Variants in ULK4 observed in about 807,000 individuals in gnomAD.
ULK4 encodes unc-51 like kinase 4, also known as inactive serine/threonine-protein kinase ULK4.
Under a neutral mutation model 160.6 loss-of-function variants are expected in ULK4, and 133 were observed. That is an observed-to-expected ratio of 0.83 (90% confidence interval 0.72 to 0.96). ULK4 has a LOEUF of 0.96. Ranked by LOEUF, ULK4 falls within the 40% of genes least tolerant of loss-of-function variation. The pLI, the probability that ULK4 is intolerant of heterozygous loss-of-function variation, is 0.00. For synonymous variants in ULK4, 534 were observed against 539.8 expected (o/e 0.99, Z 0.15); for missense variants, 1,580 against 1,499.5 (o/e 1.05, Z -0.89).
chr3:41,273,984 C>T (rs895925381), intron 35 of ULK4, among the ~76,000 whole-genome samples: 12 of 151,990 alleles, frequency 7.9e-5, no homozygotes, highest in Non-Finnish European at 1.3e-4. Flanking sequence ...AAACCGTGGG[C>T]GAAATAAACC....
chr3:41,622,986 AAAC>A (rs2033328782), intron 30 of ULK4, among the ~76,000 whole-genome samples: 2 of 152,236 alleles, frequency 1.3e-5, no homozygotes, highest in Admixed American at 1.3e-4. Context: ...CTTTATTTAT[AAAC>A]AACAGGCAGT....
intron 32 of ULK4, among the ~76,000 whole-genome samples, chr3:41,540,195 G>A (rs1284674103): frequency 6.6e-6 from 1 of 152,040 alleles, no homozygotes; most frequent in Non-Finnish European, 1.5e-5. Context: ...TTCTCCTAAT[G>A]CTCTCCCTCC....
intron 35 of ULK4, among the ~76,000 whole-genome samples, chr3:41,379,962 G>C (rs967409955): frequency 2.0e-5 from 3 of 152,068 alleles, no homozygotes; most frequent in Admixed American, 6.6e-5. Flanking sequence ...AAGTCTTTAG[G>C]GGCATGAACA....
chr3:41,671,158 C>T (rs2035525017), intron 29 of ULK4, among the ~76,000 whole-genome samples: 1 of 152,010 alleles, frequency 6.6e-6, no homozygotes, highest in African/African-American at 2.4e-5. Flanking sequence ...GACCATACTG[C>T]CCAAAGCAAT....
At chr3:41,379,729 T>C (rs999346784) in intron 35 of ULK4, among the ~76,000 whole-genome samples, 6 of 152,128 alleles carry the variant, frequency 3.9e-5, no homozygotes, top group Non-Finnish European at 7.4e-5. Flanking sequence ...AGCCAAAATA[T>C]TTTTTAAAAA....
rs1004710824 is a variant in ULK4, at chr3:41,572,557, G to A, written c.3121-6427C>T. Reference sequence around the variant, plus strand: ...AGGTGGATCACAAGGTCAGGAGATTGAGACCATCCTGGCTAACATGGTGAA... The same window carrying A: ...AGGTGGATCACAAGGTCAGGAGATTAAGACCATCCTGGCTAACATGGTGAA... On this transcript the variant is annotated intron_variant, in intron 31 of 36. Coordinates refer to ENST00000301831, the MANE Select transcript of ULK4 (RefSeq NM_017886.4). Among the ~76,000 whole-genome samples, 85 of 151,486 alleles carry A rather than the reference G, an allele frequency of 5.6e-4. 1 individual carries two copies. The highest frequency in any genetic ancestry group is 1.6e-4 in the Non-Finnish European group (11 of 67,914).
chr3:41,411,632 C>T (rs1240330126), intron 34 of ULK4, among the ~76,000 whole-genome samples: 1 of 151,974 alleles, frequency 6.6e-6, no homozygotes, highest in Non-Finnish European at 1.5e-5. Flanking sequence ...AGGGTTTCAC[C>T]ATGTTGGCTA....
intron 21 of ULK4, chr3:41,766,903 A>T (rs187093063): frequency 6.6e-6 from 1 of 152,376 alleles, no homozygotes; most frequent in Non-Finnish European, 1.5e-5. Flanking sequence ...TGTCACAGCC[A>T]GATTGCCCTC....
At chr3:41,595,271 C>T (rs1336633694) in intron 31 of ULK4, among the ~76,000 whole-genome samples, 1 of 152,146 alleles carries the variant, frequency 6.6e-6, no homozygotes, top group Non-Finnish European at 1.5e-5. Context: ...CCTGAAGTGA[C>T]TTGACCTCTT....
chr3:41,681,022 C>T (rs2035905155), intron 29 of ULK4, among the ~76,000 whole-genome samples: 3 of 152,168 alleles, frequency 2.0e-5, no homozygotes, highest in Non-Finnish European at 4.4e-5. Context: ...AAAACCCTTT[C>T]TCCATACTCA....
chr3:41,353,704 ACTACTACTACTACTACTACTACTACT>A (rs2080966834), intron 35 of ULK4, among the ~76,000 whole-genome samples: 2 of 50,010 alleles, frequency 4.0e-5, no homozygotes, highest in Admixed American at 1.9e-4. Context: ...TACAATTACT[ACTACTACTACTACTACTACTACTACT>A]ACTACTACTA....
rs142727197 is a variant in ULK4, at chr3:41,744,360, A to C, written c.2321+10001T>G. 4.8e-3 allele frequency among the ~76,000 whole-genome samples: 730 copies of C among 152,152 alleles called. 3 individuals are homozygous for C. Among genetic ancestry groups the C allele is most frequent in the South Asian group, 0.015 (73 of 4,828 alleles). On this transcript the variant is annotated intron_variant, in intron 22 of 36. Transcript: ENST00000301831. ...AAGTTTAAAGTAAAAAAATGAAAGCAGGTATAAAATGCAAACATTAATTTA... is the reference window on the plus strand; with the variant it reads ...AAGTTTAAAGTAAAAAAATGAAAGCCGGTATAAAATGCAAACATTAATTTA...
intron 12 of ULK4, among the ~76,000 whole-genome samples, chr3:41,903,817 C>T (rs1279388675): frequency 6.6e-6 from 1 of 151,456 alleles, no homozygotes; most frequent in East Asian, 1.9e-4. Flanking sequence ...AAATTATATT[C>T]CCTTGTTTCA....
chr3:41,249,566 G>C lies in ULK4; in HGVS notation c.3687C>G (p.Ser1229=). Residue 1229 remains serine (S), a synonymous_variant, in exon 36 of 37, where the codon TCC becomes TCG. Coordinates refer to ENST00000301831, the MANE Select transcript of ULK4 (RefSeq NM_017886.4). ...TGAGGCTCTCCAAGTGCTTCTCATT[G>C]GAGGTGATCTGCAAGGGCAGGAGGA... The part of the protein sequence containing the change: ...LLRILRRMIT[S]NEKHLESLKN... 6.2e-7 allele frequency: 1 copy of C among 1,613,866 alleles called. No homozygotes were observed. The highest frequency in any genetic ancestry group is 1.1e-5 in the South Asian group (1 of 90,950).
chr3:41,533,535 T>C (rs1328743810), intron 32 of ULK4, among the ~76,000 whole-genome samples: 2 of 152,204 alleles, frequency 1.3e-5, no homozygotes, highest in Non-Finnish European at 2.9e-5. Context: ...TGGACAGAGG[T>C]TGGCAAGCCA....
At chr3:41,337,236 C>T (rs1266533502) in intron 35 of ULK4, among the ~76,000 whole-genome samples, 3 of 152,042 alleles carry the variant, frequency 2.0e-5, no homozygotes, top group African/African-American at 7.2e-5. Flanking sequence ...TTATAATATA[C>T]ATTATATTTC....
intron 17 of ULK4, among the ~76,000 whole-genome samples, chr3:41,845,010 G>A (rs1041799411): frequency 3.3e-5 from 5 of 149,558 alleles, no homozygotes; most frequent in African/African-American, 1.2e-4. Context: ...CTGTTGCCCA[G>A]GCTGGAGTGC....
chr3:41,481,384 A>T lies in ULK4; in HGVS notation c.3227-18131T>A, dbSNP rs552281331. ...TTGAACCAGACTGACTCCATCTTGA[A>T]TAGGGTAAGGCTGAAATCTACTGGG... On this transcript the variant is annotated intron_variant, in intron 32 of 36. Coordinates refer to ENST00000301831, the MANE Select transcript of ULK4 (RefSeq NM_017886.4). Among the ~76,000 whole-genome samples, 193 of 152,334 alleles carry T rather than the reference A, an allele frequency of 1.3e-3. 2 individuals carry two copies. Among genetic ancestry groups the T allele is most frequent in the African/African-American group, 4.4e-3 (184 of 41,578 alleles).
intron 32 of ULK4, among the ~76,000 whole-genome samples, chr3:41,501,603 T>C (rs984651719): frequency 2.0e-5 from 3 of 152,200 alleles, no homozygotes; most frequent in Non-Finnish European, 4.4e-5. Context: ...GTATATATTA[T>C]GGAATAATTA....
Sources: allele counts gnomAD v4.1 joint callset (sites outside exome capture counted in the v4.1 genomes callset), GRCh38; gene constraint gnomAD v4.1.1; transcripts MANE v1.5; gene names NCBI Gene and HGNC (gene_info 2026-07-23, HGNC 2026-07-21).